The following ZCCHC7 variants were observed in gnomAD, a reference collection of about 807,000 sequenced individuals.
The protein encoded by ZCCHC7 is zinc finger CCHC-type containing 7, also known as zinc finger CCHC domain-containing protein 7.
ZCCHC7 carries 35 observed loss-of-function variants against 52.0 expected under a neutral mutation model. That is an observed-to-expected ratio of 0.67 (90% CI 0.51 to 0.89). The LOEUF is 0.89. Among genes scored for constraint, ZCCHC7 ranks in the 40% least tolerant of loss-of-function variants. ZCCHC7 has a pLI of 0.00. For missense variants in ZCCHC7, 574 were observed against 649.1 expected (o/e 0.88, Z 1.26); for synonymous variants, 217 against 221.5 (o/e 0.98, Z 0.18).
At chr9:37,154,567 C>T (rs1023512361) in intron 2 of ZCCHC7, among the ~76,000 whole-genome samples, 2 of 152,282 alleles carry the variant, frequency 1.3e-5, no homozygotes, top group East Asian at 1.9e-4. Context: ...ACTATAGCCC[C>T]GACCTCCTGG....
chr9:37,275,510 A>G (rs1029059923), intron 2 of ZCCHC7, among the ~76,000 whole-genome samples: 2 of 151,998 alleles, frequency 1.3e-5, no homozygotes, highest in African/African-American at 2.4e-5. Flanking sequence ...CATTTTGGCT[A>G]TTGTTAACCA....
chr9:37,128,887 A>G (rs76028150), intron 2 of ZCCHC7, among the ~76,000 whole-genome samples: 27 of 152,356 alleles, frequency 1.8e-4, no homozygotes, highest in Non-Finnish European at 3.7e-4. Flanking sequence ...GCGTAACACT[A>G]TAGAAGGCCA....
At chr9:37,257,276 G>A (rs1428674536) in intron 2 of ZCCHC7, among the ~76,000 whole-genome samples, 2 of 152,188 alleles carry the variant, frequency 1.3e-5, no homozygotes, top group East Asian at 1.9e-4. Flanking sequence ...GAGGTGGGCA[G>A]GATACCTTTT....
intron 2 of ZCCHC7, among the ~76,000 whole-genome samples, chr9:37,178,436 GAAA>G (rs1248923603): frequency 2.6e-5 from 2 of 77,054 alleles, no homozygotes; most frequent in Non-Finnish European, 5.2e-5. Flanking sequence ...GAAAAGGAAA[GAAA>G]AAAGGAGAAG....
chr9:37,295,203 A>T (rs1365907127), intron 2 of ZCCHC7, among the ~76,000 whole-genome samples: 1 of 152,106 alleles, frequency 6.6e-6, no homozygotes, highest in Non-Finnish European at 1.5e-5. Flanking sequence ...TTGGGGGTGA[A>T]TTCAGGTGTT....
At position 37,342,911 on chromosome 9, in the gene ZCCHC7, C is replaced by T. The variant is rs528934645; in HGVS notation, c.988-6446C>T. ...ATTGGATAAATAAATTTTATCAGAG[C>T]ATCTGGGTCTTAGGAAGAGTTTGCC... On this transcript the variant is annotated intron_variant, in intron 6 of 8. Transcript: ENST00000336755. 2.6e-5 allele frequency among the ~76,000 whole-genome samples: 4 copies of T among 152,310 alleles called. No individual in the cohort carries two copies. In the East Asian group the frequency reaches 7.7e-4, roughly 29 times the overall value.
At chr9:37,211,898 G>A (rs892217899) in intron 2 of ZCCHC7, among the ~76,000 whole-genome samples, 3 of 151,554 alleles carry the variant, frequency 2.0e-5, no homozygotes, top group African/African-American at 7.3e-5. Flanking sequence ...TGTAGTGGCA[G>A]GCGCCTGTAG....
intron 2 of ZCCHC7, among the ~76,000 whole-genome samples, chr9:37,205,568 A>G (rs1042512306): frequency 4.6e-5 from 7 of 151,850 alleles, no homozygotes; most frequent in Non-Finnish European, 8.8e-5. Flanking sequence ...CCAGGTTGCA[A>G]TGCAGAGGCA....
chr9:37,264,056 A>G (rs1826985471), intron 2 of ZCCHC7, among the ~76,000 whole-genome samples: 1 of 152,162 alleles, frequency 6.6e-6, no homozygotes, highest in Non-Finnish European at 1.5e-5. Flanking sequence ...AAGATCTTAA[A>G]CTAATACTAT....
At chr9:37,335,215 C>T (rs538085907) in intron 6 of ZCCHC7, among the ~76,000 whole-genome samples, 1 of 152,202 alleles carries the variant, frequency 6.6e-6, no homozygotes, top group African/African-American at 2.4e-5. Flanking sequence ...TCTCACATTT[C>T]CTTTGTTTAC....
At chr9:37,195,738 G>A (rs1334541874) in intron 2 of ZCCHC7, among the ~76,000 whole-genome samples, 1 of 152,176 alleles carries the variant, frequency 6.6e-6, no homozygotes, top group Non-Finnish European at 1.5e-5. Context: ...GATTTAATGC[G>A]AATTAGCTGG....
At chr9:37,301,845 T>C (rs932852179) in intron 2 of ZCCHC7, among the ~76,000 whole-genome samples, 3 of 152,186 alleles carry the variant, frequency 2.0e-5, no homozygotes, top group Non-Finnish European at 2.9e-5. Context: ...GTTGTATTTT[T>C]GGGCCCTTCA....
At chr9:37,250,687 A>T (rs535068042) in intron 2 of ZCCHC7, among the ~76,000 whole-genome samples, 3 of 152,258 alleles carry the variant, frequency 2.0e-5, no homozygotes, top group African/African-American at 7.2e-5. Context: ...TTAGACTTTT[A>T]AGTAGCTCAG....
At chr9:37,310,959 T>TA (rs59663698) in intron 5 of ZCCHC7, among the ~76,000 whole-genome samples, 9,212 of 114,960 alleles carry the variant, frequency 0.08, 561 homozygotes, top group African/African-American at 0.16. Context: ...TCTCTCTTTT[T>TA]AAAAAAAAAA....
chr9:37,211,238 T>A (rs1413116047), intron 2 of ZCCHC7, among the ~76,000 whole-genome samples: 1 of 152,210 alleles, frequency 6.6e-6, no homozygotes, highest in African/African-American at 2.4e-5. Flanking sequence ...TTTACAAATG[T>A]TAGAAATGTA....
intron 2 of ZCCHC7, among the ~76,000 whole-genome samples, chr9:37,185,884 A>G (rs1220669845): frequency 6.6e-6 from 1 of 152,158 alleles, no homozygotes; most frequent in Non-Finnish European, 1.5e-5. Context: ...AGGGGACACT[A>G]TTTGATGCAC....
At chr9:37,235,886 C>T (rs866373462) in intron 2 of ZCCHC7, among the ~76,000 whole-genome samples, 8 of 151,926 alleles carry the variant, frequency 5.3e-5, no homozygotes, top group Middle Eastern at 3.4e-3. Flanking sequence ...CCGCACCTGG[C>T]CCTTATTCTT....
intron 2 of ZCCHC7, among the ~76,000 whole-genome samples, chr9:37,174,335 C>T (rs1435096399): frequency 6.6e-6 from 1 of 152,056 alleles, no homozygotes; most frequent in Non-Finnish European, 1.5e-5. Context: ...AAAAAGGAAA[C>T]TGCTAAAGTT....
intron 2 of ZCCHC7, among the ~76,000 whole-genome samples, chr9:37,193,535 AACTTTT>A (rs1408365686): frequency 5.3e-5 from 8 of 152,156 alleles, no homozygotes; most frequent in African/African-American, 1.9e-4. Context: ...ACACAAAAGT[AACTTTT>A]CCAAGGGATG....
Sources: gnomAD v4.1 joint callset for allele counts (sites outside exome capture counted in the v4.1 genomes callset) on GRCh38, gnomAD v4.1.1 for gene constraint, MANE v1.5 for transcripts, NCBI Gene and HGNC (gene_info 2026-07-23, HGNC 2026-07-21) for gene names.